Variants in TBX5 observed in about 807,000 individuals in gnomAD.
TBX5 encodes T-box transcription factor 5.
In TBX5, 8 loss-of-function variants were observed where a neutral mutation model predicts 51.1. That is an observed-to-expected ratio of 0.16 (90% CI 0.09 to 0.28). The LOEUF is 0.28. Ranked by LOEUF, TBX5 falls within the 10% of genes least tolerant of loss-of-function variation. The pLI is 1.00. For missense variants in TBX5, 589 were observed against 671.7 expected (o/e 0.88, Z 1.36); for synonymous variants, 302 against 266.4 (o/e 1.13, Z -1.30).
intron 5 of TBX5, among the ~76,000 whole-genome samples, chr12:114,395,879 G>A (rs139695640): frequency 1.0e-3 from 158 of 152,210 alleles, no homozygotes; most frequent in African/African-American, 3.3e-3. Flanking sequence ...TGGAGCCAGG[G>A]CTAGTCACAG....
intron 7 of TBX5, among the ~76,000 whole-genome samples, chr12:114,380,675 A>C (rs1468498762): frequency 6.6e-6 from 1 of 152,130 alleles, no homozygotes; most frequent in Non-Finnish European, 1.5e-5. Context: ...CCGTCGCTAC[A>C]AAAAATTAGC....
Position 114,355,704 on chromosome 12 carries a change from G to A in TBX5, c.1385C>T (p.Ala462Val), listed in dbSNP as rs1430506736. ...EGMFQHQTSV[A>V]HQPVVRQCGP... is the part of the protein sequence containing the mutation. ...ACACTGCCTGACCACAGGCTGGTGG[G>A]CCACGGAGGTCTGGTGCTGGAACAT... The change falls in exon 9 of 9, where the codon GCC (alanine) becomes GTC (valine). Residue 462 changes from alanine (A) to valine (V), a missense_variant. Around this residue, in one of 7 missense-constraint regions of TBX5, gnomAD observed 348 missense variants for 360.4 expected, o/e 0.97. Coordinates refer to ENST00000405440, the MANE Select transcript of TBX5 (RefSeq NM_181486.4). 3.1e-6 allele frequency: 5 copies of A among 1,613,566 alleles called. No homozygotes were observed. Among genetic ancestry groups the A allele is most frequent in the Non-Finnish European group, 4.2e-6 (5 of 1,179,808 alleles).
At chr12:114,387,729 T>C (rs1346303177) in intron 6 of TBX5, among the ~76,000 whole-genome samples, 1 of 152,186 alleles carries the variant, frequency 6.6e-6, no homozygotes, top group East Asian at 1.9e-4. Flanking sequence ...TGGTACAGGA[T>C]GTCCATGGTG....
rs141223729 is a variant in TBX5, at chr12:114,354,344, A to C, written c.*1188T>G. 2 of 152,214 alleles carry C rather than the reference A, an allele frequency of 1.3e-5. No individual in the cohort carries two copies. The highest frequency in any genetic ancestry group is 2.9e-5 in the Non-Finnish European group (2 of 68,044). 9.4% of individuals were successfully genotyped at this position (152,214 alleles called of 1,614,324 possible). ...TATAAATAAATAGTACCAGTAAAAT[A>C]TTACATCTGAAGAACCCTACCATAA... On this transcript the variant is annotated 3_prime_UTR_variant, in exon 9 of 9. Coordinates refer to ENST00000405440, the MANE Select transcript of TBX5 (RefSeq NM_181486.4).
chr12:114,366,625 T>C (rs1869556524), intron 7 of TBX5, among the ~76,000 whole-genome samples: 1 of 152,216 alleles, frequency 6.6e-6, no homozygotes, highest in Non-Finnish European at 1.5e-5. Context: ...TACCAACAGT[T>C]CTATACCTCA....
At chr12:114,370,267 A>AC (rs1869790972) in intron 7 of TBX5, among the ~76,000 whole-genome samples, 1 of 141,004 alleles carries the variant, frequency 7.1e-6, no homozygotes, top group Admixed American at 7.1e-5. Flanking sequence ...AGAAAAGAAA[A>AC]GAAAAGAAAA....
chr12:114,408,279 A>G, upstream of TBX5: 1 of 917,328 alleles, frequency 1.1e-6, no homozygotes, highest in Non-Finnish European at 1.3e-6. Flanking sequence ...TCTCCGGAGG[A>G]ATGAGGGTGA....
intron 6 of TBX5, among the ~76,000 whole-genome samples, chr12:114,392,428 C>T (rs571694827): frequency 6.6e-6 from 1 of 152,186 alleles, no homozygotes; most frequent in Non-Finnish European, 1.5e-5. Context: ...CTCAATAAGG[C>T]TGTCAACAGA....
Position 114,355,353 on chromosome 12 carries a change from G to A in TBX5, c.*179C>T. 2.5e-6 allele frequency: 2 copies of A among 790,254 alleles called. No individual in the cohort carries two copies. Among genetic ancestry groups the A allele is most frequent in the Admixed American group, 2.0e-5 (1 of 49,226 alleles). 49.0% of individuals were successfully genotyped at this position (790,254 alleles called of 1,614,324 possible). A position where few individuals can be genotyped will look rare whatever the true frequency, so the allele number is the denominator to read the frequency against. The stretch of plus-strand genomic sequence containing the variant: ...ACAAGAAAGTCACATTTTTAAAATT[G>A]TGGTTTCAAGCTACTGATTAGATCA... On this transcript the variant is annotated 3_prime_UTR_variant, in exon 9 of 9. Transcript: ENST00000405440.
At chr12:114,371,293 G>A (rs879229673) in intron 7 of TBX5, among the ~76,000 whole-genome samples, 6 of 152,142 alleles carry the variant, frequency 3.9e-5, no homozygotes, top group Non-Finnish European at 2.9e-5. Flanking sequence ...ACGAGCTGGG[G>A]GTCCTGAGTA....
chr12:114,392,608 C>G (rs541123544), intron 6 of TBX5, among the ~76,000 whole-genome samples: 1 of 152,094 alleles, frequency 6.6e-6, no homozygotes, highest in Non-Finnish European at 1.5e-5. Context: ...CTGTATGAAC[C>G]TGGGCTTTCT....
At chr12:114,398,258 G>T (rs1473454445) in intron 5 of TBX5, among the ~76,000 whole-genome samples, 5 of 151,992 alleles carry the variant, frequency 3.3e-5, no homozygotes, top group Admixed American at 2.0e-4. Flanking sequence ...ACTGCAGAGG[G>T]GCAGATGTCT....
chr12:114,370,422 G>A (rs954233271), intron 7 of TBX5, among the ~76,000 whole-genome samples: 1 of 152,210 alleles, frequency 6.6e-6, no homozygotes, highest in Non-Finnish European at 1.5e-5. Flanking sequence ...AGGCAAAGCT[G>A]AGTCTCACCC....
At chr12:114,393,144 A>T (rs934773657) in intron 6 of TBX5, among the ~76,000 whole-genome samples, 3 of 152,100 alleles carry the variant, frequency 2.0e-5, no homozygotes, top group African/African-American at 7.2e-5. Context: ...ATGACCTTCG[A>T]GGGGTGAGGG....
Position 114,355,286 on chromosome 12 carries a change from G to T in TBX5, c.*246C>A. On this transcript the variant is annotated 3_prime_UTR_variant, in exon 9 of 9. Transcript: ENST00000405440. Reference sequence around the variant, plus strand: ...TGGGTGTGGTGGTAGTGGGGGGTGGGACTCATCTTTTTGTGTTTGTTTTTT... The same window carrying T: ...TGGGTGTGGTGGTAGTGGGGGGTGGTACTCATCTTTTTGTGTTTGTTTTTT... 1.8e-6 allele frequency: 1 copy of T among 566,756 alleles called. No individual in the cohort carries two copies. Among genetic ancestry groups the T allele is most frequent in the South Asian group, 1.7e-5 (1 of 58,652 alleles). The allele number at this position is 566,756 out of a possible 1,614,324, so 35.1% of individuals were successfully genotyped here.
At chr12:114,389,861 A>G (rs1310885872) in intron 6 of TBX5, among the ~76,000 whole-genome samples, 1 of 150,382 alleles carries the variant, frequency 6.6e-6, no homozygotes, top group Non-Finnish European at 1.5e-5. Context: ...AATGTCGAAG[A>G]TGGTGAGGCT....
intron 3 of TBX5, among the ~76,000 whole-genome samples, chr12:114,400,066 C>A (rs1871712883): frequency 6.6e-6 from 1 of 152,198 alleles, no homozygotes; most frequent in Non-Finnish European, 1.5e-5. Context: ...CCGATCCTCG[C>A]GTTGCTAAGG....
chr12:114,403,658 G>T, intron 2 of TBX5, 94 bp downstream of exon 2: 7 of 1,526,020 alleles, frequency 4.6e-6, no homozygotes, highest in Non-Finnish European at 5.3e-6. Flanking sequence ...TTTTTATTTT[G>T]TTTTTGTTCT....
intron 3 of TBX5, among the ~76,000 whole-genome samples, chr12:114,399,909 A>C (rs1015183019): frequency 2.0e-5 from 3 of 152,180 alleles, no homozygotes; most frequent in African/African-American, 7.2e-5. Context: ...GGTTTTGAAG[A>C]TGCTTCAAAG....
Sources: allele counts gnomAD v4.1 joint callset (sites outside exome capture counted in the v4.1 genomes callset), GRCh38; gene constraint gnomAD v4.1.1; regional missense constraint gnomAD v4.1.1; transcripts MANE v1.5; gene names NCBI Gene and HGNC (gene_info 2026-07-23, HGNC 2026-07-21).